Variants in TMEM200C observed in about 807,000 individuals in gnomAD.
TMEM200C encodes transmembrane protein TTMA.
For missense variants in TMEM200C, 966 were observed against 699.9 expected, an observed-to-expected ratio of 1.38 and a Z score of -4.29; for synonymous variants, 462 against 324.7, an observed-to-expected ratio of 1.42 and a Z score of -4.55.
exon 3 of TMEM200C, chr18:5,883,650 A>C (rs1317940052): frequency 6.6e-6 from 1 of 152,178 alleles, no homozygotes; most frequent in Non-Finnish European, 1.5e-5. Flanking sequence ...CTGCTGCAAA[A>C]TTGATGTAGA....
rs936526776 is a variant in TMEM200C, at chr18:5,891,091, C to A, written c.973G>T (p.Val325Phe). 7.6e-6 allele frequency: 4 copies of A among 527,384 alleles called. No homozygotes were observed. The highest frequency in any genetic ancestry group is 9.7e-6 in the Non-Finnish European group (3 of 307,794). The allele number at this position is 527,384 out of a possible 1,614,324, so 32.7% of individuals were successfully genotyped here. A position where few individuals can be genotyped will look rare whatever the true frequency, so the allele number is the denominator to read the frequency against. The change falls in exon 3 of 3, where the codon GTC becomes TTC. Residue 325 changes from valine (V) to phenylalanine (F), a missense_variant. Coordinates refer to ENST00000581347, the Ensembl canonical transcript of TMEM200C. This position sits in a 1 kb window ranked among gnomAD's most constrained non-coding sequence, Gnocchi z 4.7. ...GCCACGCCCGAGCGCTCGCGGTAGA[C>A]GCTGTACACGGCCTCGGCCAGGCTC...
exon 3 of TMEM200C, chr18:5,890,437 C>T (rs768433002): frequency 6.4e-7 from 1 of 1,574,042 alleles, no homozygotes; most frequent in South Asian, 1.2e-5. Flanking sequence ...GAGGTGCCGG[C>T]CTCCCGCAGG....
At chr18:5,883,966 T>A (rs985805164) in exon 3 of TMEM200C, 1 of 152,194 alleles carries the variant, frequency 6.6e-6, no homozygotes, top group Non-Finnish European at 1.5e-5. Context: ...AATAAGAATT[T>A]AGTTTGTTAG....
At chr18:5,889,478 C>T (rs903963374) in exon 3 of TMEM200C, 2 of 152,158 alleles carry the variant, frequency 1.3e-5, no homozygotes, top group African/African-American at 4.8e-5. Context: ...ATTTTCAATA[C>T]AGGTGTGATA....
At chr18:5,888,088 A>G (rs1341979421) in exon 3 of TMEM200C, 2 of 152,228 alleles carry the variant, frequency 1.3e-5, no homozygotes, top group Non-Finnish European at 2.9e-5. Context: ...ATTGTAGAAC[A>G]CCAGAACCTG....
At chr18:5,893,230 G>A in intron 2 of TMEM200C, among the ~76,000 whole-genome samples, 1 of 152,148 alleles carries the variant, frequency 6.6e-6, no homozygotes, top group East Asian at 1.9e-4. Flanking sequence ...ACTAGGTAAA[G>A]CAGTCTACAT....
Position 5,891,374 on chromosome 18 carries a change from GGCGGCGGCGGCC to G in TMEM200C, c.678_689del (p.Ala227_Ala230del), listed in dbSNP as rs753396480. On this transcript the variant is annotated inframe_deletion, in exon 3 of 3. Transcript: ENST00000581347. This position sits in a 1 kb window ranked among gnomAD's most constrained non-coding sequence, Gnocchi z 4.7. Reference sequence around the variant, plus strand: ...CGGCGGGGGCAGACGACGACGAAGAGGCGGCGGCGGCCGCGGCGGCGGCCGCGGCGGCCGCCA... The same window carrying G: ...CGGCGGGGGCAGACGACGACGAAGAGGCGGCGGCGGCCGCGGCGGCCGCCA... The G allele has an allele frequency of 6.2e-3, 8,274 of 1,329,354 alleles. 525 individuals carry two copies. Among genetic ancestry groups the G allele is most frequent in the South Asian group, 0.055 (2,420 of 44,026 alleles). 82.3% of individuals were successfully genotyped at this position (1,329,354 alleles called of 1,614,324 possible).
exon 3 of TMEM200C, chr18:5,886,202 A>G (rs1365020557): frequency 2.0e-5 from 3 of 152,160 alleles, no homozygotes; most frequent in Non-Finnish European, 4.4e-5. Context: ...AAAAATTAAT[A>G]TAGAAAAAAC....
exon 3 of TMEM200C, chr18:5,887,008 C>T (rs2095165881): frequency 6.6e-6 from 1 of 152,124 alleles, no homozygotes; most frequent in Non-Finnish European, 1.5e-5. Context: ...TTAATCTTTA[C>T]TCCAGTCCTG....
exon 3 of TMEM200C, chr18:5,886,746 A>T (rs1318352068): frequency 6.6e-6 from 1 of 152,158 alleles, no homozygotes; most frequent in Non-Finnish European, 1.5e-5. Context: ...TCCATTTATT[A>T]TCTCCATTTA....
chr18:5,890,661 C>T, exon 3 of TMEM200C: 1 of 632,730 alleles, frequency 1.6e-6, no homozygotes, highest in Non-Finnish European at 2.3e-6. Flanking sequence ...GCTGCGGCGC[C>T]GCAAGGCCGC....
chr18:5,892,007 G>T lies in TMEM200C; in HGVS notation c.57C>A (p.Arg19=), dbSNP rs745832859. The T allele has an allele frequency of 3.7e-6, 6 of 1,613,830 alleles. No individual in the cohort carries two copies. In the Admixed American group the frequency reaches 8.3e-5, roughly 22 times the overall value. The change falls in exon 3 of 3, where the codon CGC becomes CGA. Residue 19 remains arginine (R), a synonymous_variant. Transcript: ENST00000581347. The stretch of plus-strand genomic sequence containing the variant: ...TGCGCTTGGGTATCTGGCTTGGGGG[G>T]CGGAGTGGATCCTGCTTTCTGGCGG...
Position 5,891,371 on chromosome 18 carries a change from AGAGGCGGCGGCGGCCGCGGCGGCG to A in TMEM200C, c.669_692del (p.Ala224_Ser231del), listed in dbSNP as rs760668985. ...CCGCGGCGGGGGCAGACGACGACGA[AGAGGCGGCGGCGGCCGCGGCGGCG>A]GCCGCGGCGGCCGCCAGGTCTTTGG... is the stretch of plus-strand genomic sequence containing the variant. On this transcript the variant is annotated inframe_deletion, in exon 3 of 3. Transcript: ENST00000581347. The surrounding 1 kb of genome is among the most constrained non-coding windows in gnomAD (Gnocchi z 4.7). 3.0e-5 allele frequency: 41 copies of A among 1,344,874 alleles called. No individual in the cohort carries two copies. The highest frequency in any genetic ancestry group is 4.0e-5 in the Admixed American group (1 of 25,134). 83.3% of individuals were successfully genotyped at this position (1,344,874 alleles called of 1,614,324 possible).
chr18:5,891,490 C>T lies in TMEM200C; in HGVS notation c.574G>A (p.Asp192Asn). Residue 192 changes from aspartate to asparagine, a missense_variant, in exon 3 of 3, where the codon GAC becomes AAC. By Grantham distance (23) the Asp-to-Asn change is conservative. Coordinates refer to ENST00000581347, the Ensembl canonical transcript of TMEM200C. The surrounding 1 kb of genome is among the most constrained non-coding windows in gnomAD (Gnocchi z 4.7). ...AGGTTGATGATTTTGGTCTTCTTGT[C>T]CCGGTTCTCGTGGAGGACCGCGTTT... 4 of 1,601,790 alleles carry T rather than the reference C, an allele frequency of 2.5e-6. No individual in the cohort carries two copies. Among genetic ancestry groups the T allele is most frequent in the Non-Finnish European group, 3.4e-6 (4 of 1,174,420 alleles).
exon 2 of TMEM200C, chr18:5,895,066 G>C (rs2144464205): frequency 6.6e-6 from 1 of 152,242 alleles, no homozygotes; most frequent in East Asian, 1.9e-4. Context: ...CGGCGAACGG[G>C]CGCTCGGGCG....
exon 3 of TMEM200C, chr18:5,890,842 G>A (rs1481246622): frequency 1.6e-5 from 11 of 677,720 alleles, no homozygotes; most frequent in East Asian, 2.9e-5. Context: ...TGGGAGCCGC[G>A]TTCCCCCGGA....
rs1461232235 is a variant in TMEM200C, at chr18:5,891,422, G to T, written c.642C>A (p.Arg214=). The change falls in exon 3 of 3, where the codon CGC becomes CGA. Residue 214 remains arginine, a synonymous_variant. Transcript: ENST00000581347. This position sits in a 1 kb window ranked among gnomAD's most constrained non-coding sequence, Gnocchi z 4.7. The stretch of plus-strand genomic sequence containing the variant: ...CCGCGGCGGCCGCCAGGTCTTTGGC[G>T]CGGAGGCTGTGCACGTCGATGACGG... 6 of 1,541,990 alleles carry T rather than the reference G, an allele frequency of 3.9e-6. No homozygotes were observed. The East Asian group carries it at 1.5e-4, about 38-fold the overall frequency.
Position 5,891,191 on chromosome 18 carries a change from C to T in TMEM200C, c.873G>A (p.Pro291=), listed in dbSNP as rs1457306053. Residue 291 remains proline, a synonymous_variant, in exon 3 of 3, where the codon CCG becomes CCA. Coordinates refer to ENST00000581347, the Ensembl canonical transcript of TMEM200C. The surrounding 1 kb of genome is among the most constrained non-coding windows in gnomAD (Gnocchi z 4.7). ...CGGCGCCCCGAGGGCGGCCGCCGCT[C>T]GGCGCCGCGGGGTGAGGAGGCCACG... is the stretch of plus-strand genomic sequence containing the variant. 6 of 918,744 alleles carry T rather than the reference C, an allele frequency of 6.5e-6. No homozygotes were observed. The highest frequency in any genetic ancestry group is 3.5e-5 in the East Asian group (1 of 28,574). The allele number at this position is 918,744 out of a possible 1,614,324, so 56.9% of individuals were successfully genotyped here. A position where few individuals can be genotyped will look rare whatever the true frequency, so the allele number is the denominator to read the frequency against.
At chr18:5,895,442 C>G (rs2095175132) in exon 2 of TMEM200C, 1 of 150,256 alleles carries the variant, frequency 6.7e-6, no homozygotes, top group African/African-American at 2.4e-5. Context: ...GAGTTGAGCC[C>G]GCGGCGGCGG....
Sources: allele counts gnomAD v4.1 joint callset (sites outside exome capture counted in the v4.1 genomes callset), GRCh38; gene constraint gnomAD v4.1.1; non-coding constraint Gnocchi (gnomAD v3.1); transcripts MANE v1.5; gene names NCBI Gene and HGNC (gene_info 2026-07-23, HGNC 2026-07-21).